Variants in SVOPL observed in about 807,000 individuals in gnomAD.
SVOPL encodes the protein SVOP like.
SVOPL carries 60 observed loss-of-function variants against 61.0 expected under a neutral mutation model. The ratio of observed to expected loss-of-function variants is 0.98; its 90% CI spans 0.80 to 1.22. The LOEUF (loss-of-function observed/expected upper bound fraction) is 1.22. Among genes scored for constraint, SVOPL ranks in the 50% most tolerant of loss-of-function variants. The pLI, the probability that SVOPL is intolerant of heterozygous loss-of-function variation, is 0.00. For synonymous variants in SVOPL, 279 were observed against 250.0 expected (o/e 1.12, Z -1.09); for missense variants, 662 against 643.9 (o/e 1.03, Z -0.30).
Position 138,656,481 on chromosome 7 carries a change from C to T in SVOPL, c.501G>A (p.Thr167=), listed in dbSNP as rs371993600. 2.4e-5 allele frequency: 39 copies of T among 1,613,820 alleles called. No individual in the cohort carries two copies. Among genetic ancestry groups the T allele is most frequent in the African/African-American group, 1.3e-4 (10 of 74,872 alleles). The part of the protein sequence containing the change: ...GLIIKTEFLP[T]KYRGYMLPLS... ...AGGGTAACATATAGCCTCGGTATTTCGTGGGCAAAAATTCAGTCTTTATGA... is the reference window on the plus strand; with the variant it reads ...AGGGTAACATATAGCCTCGGTATTTTGTGGGCAAAAATTCAGTCTTTATGA... The change falls in exon 7 of 16, where the codon ACG becomes ACA. Residue 167 remains threonine, a synonymous_variant. Coordinates refer to ENST00000674285, the MANE Select transcript of SVOPL (RefSeq NM_001139456.2).
chr7:138,595,035 C>T (rs968869591), intron 15 of SVOPL, among the ~76,000 whole-genome samples: 10 of 151,840 alleles, frequency 6.6e-5, no homozygotes, highest in Non-Finnish European at 8.8e-5. Context: ...GGATTACAGA[C>T]GTGAGCCACT....
intron 14 of SVOPL, among the ~76,000 whole-genome samples, chr7:138,613,607 G>GT (rs1424277265): frequency 1.3e-5 from 2 of 151,782 alleles, no homozygotes; most frequent in Non-Finnish European, 1.5e-5. Context: ...CTCAACTTCA[G>GT]TATCACCTTC....
chr7:138,672,123 A>G lies in SVOPL; in HGVS notation c.175-6T>C, dbSNP rs1219632507. On this transcript the variant is annotated splice_polypyrimidine_tract_variant and splice_region_variant and intron_variant, in intron 3 of 15. Coordinates refer to ENST00000674285, the MANE Select transcript of SVOPL (RefSeq NM_001139456.2). ...ATCTCCATGGCCTCAACCACCTTAA[A>G]GAAGAGGGACACCATGCCATGTCTA... 2 of 1,551,470 alleles carry G rather than the reference A, an allele frequency of 1.3e-6. No homozygotes were observed. The highest frequency in any genetic ancestry group is 1.2e-5 in the South Asian group (1 of 84,038).
chr7:138,607,039 TCTC>T (rs907632826), intron 14 of SVOPL, among the ~76,000 whole-genome samples: 14 of 151,350 alleles, frequency 9.3e-5, no homozygotes, highest in Non-Finnish European at 1.8e-4. Context: ...TTTTTTTCAT[TCTC>T]CTCTCTCAAT....
chr7:138,621,286 G>A, intron 13 of SVOPL, 151 bp from the exon 14 acceptor site: 1 of 533,342 alleles, frequency 1.9e-6, no homozygotes, highest in South Asian at 4.1e-5. Flanking sequence ...GATTTTCTCA[G>A]GTACACAACT....
At chr7:138,660,776 T>C (rs2117076490) in intron 5 of SVOPL, 2 of 983,878 alleles carry the variant, frequency 2.0e-6, no homozygotes, top group Non-Finnish European at 2.4e-6. Flanking sequence ...AGAAAAATTA[T>C]ACCAATAGGG....
rs36014220 is a variant in SVOPL at position 138,643,422 on chromosome 7, CAAAAA to C, written c.789+1290_789+1294del. ...CCTGGGCAAGAGTGAGACTCCATCTCAAAAAAAAAAAAAAAAAAAAGAAAGTGAGG... is the reference window on the plus strand; with the variant it reads ...CCTGGGCAAGAGTGAGACTCCATCTCAAAAAAAAAAAAAAAGAAAGTGAGG... On this transcript the variant is annotated intron_variant, in intron 9 of 15. Transcript: ENST00000674285. 5.9e-5 allele frequency among the ~76,000 whole-genome samples: 4 copies of C among 67,348 alleles called. 1 individual carries two copies. The highest frequency in any genetic ancestry group is 1.0e-4 in the African/African-American group (2 of 19,224). 44.2% of individuals were successfully genotyped at this position (67,348 alleles called of 152,430 possible).
chr7:138,659,797 T>C (rs1045308635), intron 6 of SVOPL, 67 bp downstream of exon 6: 81 of 1,437,840 alleles, frequency 5.6e-5, no homozygotes, highest in Non-Finnish European at 7.4e-5. Context: ...TTAAGCGCAG[T>C]GTGTGTGCAT....
At chr7:138,659,384 T>C (rs1272325682) in intron 6 of SVOPL, among the ~76,000 whole-genome samples, 2 of 151,978 alleles carry the variant, frequency 1.3e-5, no homozygotes, top group Non-Finnish European at 2.9e-5. Flanking sequence ...TCCCAGCTAC[T>C]TGGAGGCTGA....
rs62485295 is a variant in SVOPL, at chr7:138,615,720, G to A, written c.1353+5326C>T. Reference sequence around the variant, plus strand: ...TGAGGCAGGAGAACTGTTTGAACCTGGGAGGCGGAGGTTGCAGTGAGCCGA... The same window carrying A: ...TGAGGCAGGAGAACTGTTTGAACCTAGGAGGCGGAGGTTGCAGTGAGCCGA... On this transcript the variant is annotated intron_variant, in intron 14 of 15. Coordinates refer to ENST00000674285, the MANE Select transcript of SVOPL (RefSeq NM_001139456.2). Among the ~76,000 whole-genome samples, 3 of 39,042 alleles carry A rather than the reference G, an allele frequency of 7.7e-5. 1 individual carries two copies. The highest frequency in any genetic ancestry group is 1.5e-4 in the Non-Finnish European group (2 of 13,010). The allele number at this position is 39,042 out of a possible 152,430, so 25.6% of individuals were successfully genotyped here. A position where few individuals can be genotyped will look rare whatever the true frequency, so the allele number is the denominator to read the frequency against.
chr7:138,602,479 A>ATATAT (rs1189679178), intron 14 of SVOPL, among the ~76,000 whole-genome samples: 7 of 149,922 alleles, frequency 4.7e-5, no homozygotes, highest in Admixed American at 1.3e-4. Flanking sequence ...ATATATATGT[A>ATATAT]GATGTGTGTG....
chr7:138,678,368 A>G, intron 3 of SVOPL, 66 bp downstream of exon 3: 1 of 1,509,768 alleles, frequency 6.6e-7, no homozygotes, highest in Non-Finnish European at 8.9e-7. Context: ...TTTGGCTCAG[A>G]ATAAATCTCT....
intron 6 of SVOPL, 27 bp from the exon 7 acceptor site, chr7:138,656,538 ATTTTG>A: frequency 6.2e-7 from 1 of 1,610,606 alleles, no homozygotes; most frequent in East Asian, 2.2e-5. Flanking sequence ...AAAAAGCATA[ATTTTG>A]TTTTAAAAAA....
At chr7:138,681,107 G>T (rs1336348817) in intron 1 of SVOPL, among the ~76,000 whole-genome samples, 1 of 150,414 alleles carries the variant, frequency 6.6e-6, no homozygotes, top group African/African-American at 2.4e-5. Context: ...ATCAAATTTA[G>T]CTACGTAAAA....
chr7:138,596,752 A>G, intron 14 of SVOPL: 2 of 1,201,094 alleles, frequency 1.7e-6, no homozygotes, highest in South Asian at 4.7e-5. Flanking sequence ...CGCATTGGCC[A>G]GGTAAGACCT....
At chr7:138,687,994 G>T (rs1001414994) in intron 1 of SVOPL, among the ~76,000 whole-genome samples, 1 of 152,010 alleles carries the variant, frequency 6.6e-6, no homozygotes, top group African/African-American at 2.4e-5. Flanking sequence ...GTAGAGACAA[G>T]GTTTCACCAT....
In SVOPL at chr7:138,673,231, C is replaced by T. The variant is rs552615640; in HGVS notation, c.175-1114G>A. Among the ~76,000 whole-genome samples, 11 of 152,268 alleles carry T rather than the reference C, an allele frequency of 7.2e-5. No individual in the cohort carries two copies. In the South Asian group the frequency reaches 1.7e-3, roughly 23 times the overall value. On this transcript the variant is annotated intron_variant, in intron 3 of 15. Coordinates refer to ENST00000674285, the MANE Select transcript of SVOPL (RefSeq NM_001139456.2). ...AAAAAGCTGGAATGATGTCAGCCAG[C>T]GTGTGGGACTTTGAAGTACACATAT...
At chr7:138,669,885 G>A (rs1419311568) in intron 4 of SVOPL, among the ~76,000 whole-genome samples, 1 of 152,070 alleles carries the variant, frequency 6.6e-6, no homozygotes, top group African/African-American at 2.4e-5. Flanking sequence ...TTTGGAAGGT[G>A]AAGGGAAGTT....
At chr7:138,596,188 T>TAAAAAAAAAAAAAA in intron 15 of SVOPL, among the ~76,000 whole-genome samples, 1 of 120,348 alleles carries the variant, frequency 8.3e-6, no homozygotes. Flanking sequence ...GACTCTGTCT[T>TAAAAAAAAAAAAAA]AAAAAAAAAA....
Sources: allele counts gnomAD v4.1 joint callset (sites outside exome capture counted in the v4.1 genomes callset), GRCh38; gene constraint gnomAD v4.1.1; transcripts MANE v1.5; gene names NCBI Gene and HGNC (gene_info 2026-07-23, HGNC 2026-07-21).